EPHA7: variants seen among roughly 807,000 people sequenced by gnomAD.
The protein encoded by EPHA7 is ephrin type-A receptor 7.
Under a neutral mutation model 112.6 loss-of-function variants are expected in EPHA7, and 25 were observed. The ratio of observed to expected loss-of-function variants is 0.22; its 90% CI spans 0.16 to 0.31. The LOEUF is 0.31. EPHA7 is among the 10% of genes least tolerant of loss of function. EPHA7 has a pLI of 1.00. For synonymous variants in EPHA7, 437 were observed against 406.5 expected (o/e 1.07, Z -0.90); for missense variants, 962 against 1,212.6 (o/e 0.79, Z 3.07).
At chr6:93,357,349 C>T (rs530214037) in intron 4 of EPHA7, among the ~76,000 whole-genome samples, 2 of 152,204 alleles carry the variant, frequency 1.3e-5, no homozygotes, top group African/African-American at 4.8e-5. Flanking sequence ...AACTATTTTT[C>T]TTCCAAGCAA....
chr6:93,327,131 G>A (rs1233493271), intron 5 of EPHA7, among the ~76,000 whole-genome samples: 1 of 151,592 alleles, frequency 6.6e-6, no homozygotes, highest in Non-Finnish European at 1.5e-5. Flanking sequence ...AGACACATGA[G>A]ATGTTCTGAT....
intron 5 of EPHA7, among the ~76,000 whole-genome samples, chr6:93,325,520 A>C (rs1478967728): frequency 6.6e-6 from 1 of 151,286 alleles, no homozygotes; most frequent in African/African-American, 2.4e-5. Context: ...TCTATCATCC[A>C]ACTATACTCC....
rs777118725 is a variant in EPHA7 at position 93,254,648 on chromosome 6, T to A, written c.2531A>T (p.Asp844Val). The A allele has an allele frequency of 1.2e-6, 2 of 1,611,344 alleles. No individual in the cohort carries two copies. Among genetic ancestry groups the A allele is most frequent in the Admixed American group, 1.7e-5 (1 of 59,958 alleles). Residue 844 changes from aspartate (D) to valine (V), a missense_variant and splice_region_variant, in exon 14 of 17, where the codon GAT becomes GTT. Physicochemically the swap from Asp to Val is radical, Grantham distance 152. This residue lies in a region of EPHA7 where 746 missense variants were observed against 889.2 expected (regional missense o/e 0.84). Transcript: ENST00000369303. ...TGTTTAAATGAATGTAACACCTACATCTTGATTTGACATGTCCCAATAAGG... is the reference window on the plus strand; with the variant it reads ...TGTTTAAATGAATGTAACACCTACAACTTGATTTGACATGTCCCAATAAGG... ...ERPYWDMSNQ[D>V]VIKAIEEGYR...
At chr6:93,371,531 C>T (rs929074000) in intron 3 of EPHA7, among the ~76,000 whole-genome samples, 3 of 152,090 alleles carry the variant, frequency 2.0e-5, no homozygotes, top group Non-Finnish European at 2.9e-5. Flanking sequence ...TAATGACAAG[C>T]GCTACAAAGT....
chr6:93,414,379 CTAAAGAGGTTTAAGTGAGT>C lies in EPHA7; in HGVS notation c.162+305_162+323del, dbSNP rs1779122053. On this transcript the variant is annotated intron_variant, in intron 2 of 16. Coordinates refer to ENST00000369303, the MANE Select transcript of EPHA7 (RefSeq NM_004440.4). ...TGATTATACTAGAAATATAAAGCAA[CTAAAGAGGTTTAAGTGAGT>C]TTGTGAAAGGAATGTTCCCTGTAAT... Among the ~76,000 whole-genome samples the C allele has an allele frequency of 3.3e-5, 5 of 151,782 alleles. No individual in the cohort carries two copies. The South Asian group carries it at 8.3e-4, about 25-fold the overall frequency.
At chr6:93,284,880 A>G (rs893805196) in intron 5 of EPHA7, among the ~76,000 whole-genome samples, 1 of 152,092 alleles carries the variant, frequency 6.6e-6, no homozygotes, top group African/African-American at 2.4e-5. Context: ...TAGCATTAGG[A>G]GAAATACGTA....
At chr6:93,287,696 C>A (rs899745639) in intron 5 of EPHA7, among the ~76,000 whole-genome samples, 1 of 151,972 alleles carries the variant, frequency 6.6e-6, no homozygotes, top group Non-Finnish European at 1.5e-5. Flanking sequence ...CACCCTCCAA[C>A]CTCCAAAATG....
intron 5 of EPHA7, among the ~76,000 whole-genome samples, chr6:93,343,709 C>G (rs1161327323): frequency 1.3e-5 from 2 of 151,468 alleles, no homozygotes; most frequent in African/African-American, 4.8e-5. Context: ...AAAAGAGTCA[C>G]CAGGACACTA....
chr6:93,377,846 G>C (rs1241923922), intron 3 of EPHA7, among the ~76,000 whole-genome samples: 1 of 151,966 alleles, frequency 6.6e-6, no homozygotes, highest in Non-Finnish European at 1.5e-5. Context: ...TTCCTGATTT[G>C]TTTCAGTCAT....
intron 5 of EPHA7, among the ~76,000 whole-genome samples, chr6:93,276,614 C>A (rs1582432258): frequency 6.6e-6 from 1 of 151,858 alleles, no homozygotes; most frequent in East Asian, 1.9e-4. Flanking sequence ...GTTATGGCAG[C>A]AATAGAAAAT....
chr6:93,355,238 G>A (rs144399083), intron 5 of EPHA7, among the ~76,000 whole-genome samples: 1,952 of 152,054 alleles, frequency 0.013, 34 homozygotes, highest in African/African-American at 0.045. Flanking sequence ...TTTACCTCCC[G>A]ATATCTGCTC....
chr6:93,324,294 G>A (rs968670485), intron 5 of EPHA7, among the ~76,000 whole-genome samples: 1 of 151,068 alleles, frequency 6.6e-6, no homozygotes, highest in African/African-American at 2.4e-5. Flanking sequence ...CTTTTTAATT[G>A]AGCTCTGATT....
chr6:93,282,936 G>GC (rs1448646377), intron 5 of EPHA7, among the ~76,000 whole-genome samples: 1 of 152,180 alleles, frequency 6.6e-6, no homozygotes, highest in East Asian at 1.9e-4. Context: ...GAGGAGCGCT[G>GC]CCCCCTTCTC....
chr6:93,299,018 G>A (rs2127846954), intron 5 of EPHA7, among the ~76,000 whole-genome samples: 1 of 152,150 alleles, frequency 6.6e-6, no homozygotes, highest in Non-Finnish European at 1.5e-5. Flanking sequence ...ACATACATAT[G>A]GCCAACAAGC....
intron 3 of EPHA7, among the ~76,000 whole-genome samples, chr6:93,408,562 T>C (rs1015533330): frequency 1.3e-5 from 2 of 152,074 alleles, no homozygotes; most frequent in Non-Finnish European, 2.9e-5. Flanking sequence ...CAGGTTTGAC[T>C]CCTTCAGGGA....
At chr6:93,245,101 G>A (rs1769886866) in intron 16 of EPHA7, among the ~76,000 whole-genome samples, 197 bp downstream of exon 16, 1 of 152,184 alleles carries the variant, frequency 6.6e-6, no homozygotes, top group Non-Finnish European at 1.5e-5. Context: ...TTATTGTTGT[G>A]AAGGTTAAAA....
At chr6:93,312,848 T>G (rs1773610987) in intron 5 of EPHA7, among the ~76,000 whole-genome samples, 1 of 152,160 alleles carries the variant, frequency 6.6e-6, no homozygotes, top group South Asian at 2.1e-4. Context: ...AATGGCTTAA[T>G]TTTAATATTA....
chr6:93,256,183 A>G, intron 12 of EPHA7, 146 bp from the exon 13 acceptor site: 1 of 640,002 alleles, frequency 1.6e-6, no homozygotes, highest in East Asian at 2.8e-5. Flanking sequence ...CCTGTGGAAA[A>G]AAATAACATG....
chr6:93,258,395 G>T, intron 10 of EPHA7, 111 bp from the exon 11 acceptor site: 2 of 1,148,816 alleles, frequency 1.7e-6, no homozygotes, highest in Non-Finnish European at 1.2e-6. Flanking sequence ...TTATTTGAAA[G>T]CATTTTAAAA....
Sources: gnomAD v4.1 joint callset for allele counts (sites outside exome capture counted in the v4.1 genomes callset) on GRCh38, gnomAD v4.1.1 for gene constraint, gnomAD v4.1.1 regional missense constraint, MANE v1.5 for transcripts, NCBI Gene and HGNC (gene_info 2026-07-23, HGNC 2026-07-21) for gene names.